The following ELANE variants were observed in gnomAD, a reference collection of about 807,000 sequenced individuals.
ELANE encodes the protein elastase, neutrophil expressed.
A neutral mutation model predicts 20.6 loss-of-function variants in ELANE; 12 were observed. The observed-to-expected ratio is 0.58, with a 90% CI of 0.37 to 0.94. The LOEUF is 0.94. Among genes scored for constraint, ELANE ranks in the 40% least tolerant of loss-of-function variants. The pLI, the probability that ELANE is intolerant of heterozygous loss-of-function variation, is 0.01. For synonymous variants in ELANE, 203 were observed against 177.4 expected (o/e 1.14, Z -1.15); for missense variants, 388 against 395.2 (o/e 0.98, Z 0.15).
At position 855,589 on chromosome 19, in the gene ELANE, C is replaced by G. The variant is rs2035664443; in HGVS notation, c.392C>G (p.Ala131Gly). ...LQLNGSATIN[A>G]NVQVAQLPAQ... ...CTCAACGGGTCGGCCACCATCAACG[C>G]CAACGTGCAGGTGGCCCAGCTGCCG... Residue 131 changes from alanine (A) to glycine (G), a missense_variant, in exon 4 of 5, where the codon GCC becomes GGC. Transcript: ENST00000263621. This position sits in a 1 kb window ranked among gnomAD's most constrained non-coding sequence, Gnocchi z 6.2. 1.9e-6 allele frequency: 3 copies of G among 1,600,370 alleles called. No individual in the cohort carries two copies. Among genetic ancestry groups the G allele is most frequent in the South Asian group, 2.2e-5 (2 of 91,088 alleles).
intron 1 of ELANE, among the ~76,000 whole-genome samples, 186 bp from the exon 2 acceptor site, chr19:852,690 C>T (rs2035612668): frequency 6.6e-6 from 1 of 151,692 alleles, no homozygotes; most frequent in Non-Finnish European, 1.5e-5. Flanking sequence ...CTCTCCGTGC[C>T]TCAGTTTCCT....
chr19:853,691 C>G (rs1293568875), intron 3 of ELANE, among the ~76,000 whole-genome samples: 1 of 148,228 alleles, frequency 6.7e-6, no homozygotes, highest in Non-Finnish European at 1.5e-5. Flanking sequence ...AACAAACTTA[C>G]TGAGAAGGGA....
chr19:854,957 G>A (rs2035654424), intron 3 of ELANE, among the ~76,000 whole-genome samples: 1 of 151,666 alleles, frequency 6.6e-6, no homozygotes, highest in Admixed American at 6.6e-5. Flanking sequence ...AGGTTCAAGC[G>A]ATTCTCCTGC....
intron 1 of ELANE, among the ~76,000 whole-genome samples, chr19:852,628 A>G (rs1326480333): frequency 6.7e-6 from 1 of 150,236 alleles, no homozygotes; most frequent in Non-Finnish European, 1.5e-5. Flanking sequence ...CTCTGGGTTC[A>G]AGTCCAGGTC....
At chr19:854,710 A>C (rs966619885) in intron 3 of ELANE, among the ~76,000 whole-genome samples, 1 of 146,078 alleles carries the variant, frequency 6.8e-6, no homozygotes, top group Admixed American at 6.9e-5. Flanking sequence ...AAAATATATA[A>C]TATTTATAAT....
rs1599294750 is a variant in ELANE at position 856,029 on chromosome 19, C to T, written c.669C>T (p.Cys223=). ...TTGCCTCCTTCGTCCGGGGAGGCTG[C>T]GCCTCAGGGCTCTACCCCGATGCCT... is the stretch of plus-strand genomic sequence containing the variant. ...HGIASFVRGG[C]ASGLYPDAFA... Residue 223 remains cysteine (C), a synonymous_variant, in exon 5 of 5, where the codon TGC becomes TGT. Coordinates refer to ENST00000263621, the MANE Select transcript of ELANE (RefSeq NM_001972.4). The T allele has an allele frequency of 4.3e-6, 7 of 1,613,434 alleles. No individual in the cohort carries two copies. The highest frequency in any genetic ancestry group is 2.2e-5 in the South Asian group (2 of 91,090).
In ELANE at chr19:852,341, C is replaced by G. The variant is rs942026381; in HGVS notation, c.13C>G (p.Arg5Gly). 1.9e-6 allele frequency: 3 copies of G among 1,610,116 alleles called. No homozygotes were observed. The African/African-American group carries it at 4.0e-5, about 21-fold the overall frequency. MTLG[R>G]RLACLFLACV... is the part of the protein sequence containing the mutation. The stretch of plus-strand genomic sequence containing the variant: ...CCCCAGCCCCACCATGACCCTCGGC[C>G]GCCGACTCGCGTGTCTTTTCCTCGC... Residue 5 changes from arginine (R) to glycine (G), a missense_variant, in exon 1 of 5, where the codon CGC becomes GGC. This residue lies in a region of ELANE where 58 missense variants were observed against 56.7 expected (regional missense o/e 1.02). Coordinates refer to ENST00000263621, the MANE Select transcript of ELANE (RefSeq NM_001972.4).
In ELANE at chr19:853,355, A is replaced by G; in HGVS notation, c.318A>G (p.Glu106=). 1.9e-6 allele frequency: 3 copies of G among 1,611,684 alleles called. No individual in the cohort carries two copies. The highest frequency in any genetic ancestry group is 2.5e-6 in the Non-Finnish European group (3 of 1,179,264). The change falls in exon 3 of 5, where the codon GAA becomes GAG. Residue 106 remains glutamate (E), a synonymous_variant. Coordinates refer to ENST00000263621, the MANE Select transcript of ELANE (RefSeq NM_001972.4). ...RQVFAVQRIF[E]NGYDPVNLLN... ...TGTTCGCCGTGCAGCGCATCTTCGAAAACGGCTACGACCCCGTAAACTTGC... is the reference window on the plus strand; with the variant it reads ...TGTTCGCCGTGCAGCGCATCTTCGAGAACGGCTACGACCCCGTAAACTTGC...
intron 3 of ELANE, 128 bp downstream of exon 3, chr19:853,531 C>T: frequency 9.0e-7 from 1 of 1,112,398 alleles, no homozygotes. Flanking sequence ...CTGGGTGGTC[C>T]CCTCTCCGCG....
At chr19:853,469 GA>G in intron 3 of ELANE, 66 bp downstream of exon 3, 3 of 1,531,772 alleles carry the variant, frequency 2.0e-6, no homozygotes, top group Non-Finnish European at 2.6e-6. Flanking sequence ...TGGAGGCTGC[GA>G]CGGAGGGGCG....
rs1263892200 is a variant in ELANE at position 853,471 on chromosome 19, C to T, written c.366+68C>T. The stretch of plus-strand genomic sequence containing the variant: ...GGCCTGGGGAGGGTGGAGGCTGCGA[C>T]GGAGGGGCGCGTCGGGGCCGCTCGT... On this transcript the variant is annotated intron_variant, in intron 3 of 4. Coordinates refer to ENST00000263621, the MANE Select transcript of ELANE (RefSeq NM_001972.4). 3.3e-6 allele frequency: 5 copies of T among 1,524,798 alleles called. No homozygotes were observed. In the East Asian group the frequency reaches 7.5e-5, roughly 23 times the overall value. The allele number at this position is 1,524,798 out of a possible 1,614,324, so 94.5% of individuals were successfully genotyped here. A position where few individuals can be genotyped will look rare whatever the true frequency, so the allele number is the denominator to read the frequency against.
Position 855,762 on chromosome 19 carries a change from C to G in ELANE, c.565C>G (p.Leu189Val), listed in dbSNP as rs200592180. 1.2e-6 allele frequency: 2 copies of G among 1,609,372 alleles called. No homozygotes were observed. The highest frequency in any genetic ancestry group is 1.7e-6 in the Non-Finnish European group (2 of 1,179,952). ...CTGCCGTCGCAGCAACGTCTGCACT[C>G]TCGTGAGGGGCCGGCAGGCCGGCGT... ...SLCRRSNVCT[L>V]VRGRQAGVCF... Residue 189 changes from leucine (L) to valine (V), a missense_variant, in exon 4 of 5, where the codon CTC becomes GTC. Transcript: ENST00000263621. This position sits in a 1 kb window ranked among gnomAD's most constrained non-coding sequence, Gnocchi z 6.2.
At position 855,546 on chromosome 19, in the gene ELANE, C is replaced by G; in HGVS notation, c.367-18C>G. 1 of 1,597,842 alleles carries G rather than the reference C, an allele frequency of 6.3e-7. No homozygotes were observed. The highest frequency in any genetic ancestry group is 8.5e-7 in the Non-Finnish European group (1 of 1,179,240). ...CTGCCCCGTGTGACGCGCTGACGAT[C>G]TGTCCCCACCGCCACAGCTCAACGG... On this transcript the variant is annotated intron_variant, in intron 3 of 4. Coordinates refer to ENST00000263621, the MANE Select transcript of ELANE (RefSeq NM_001972.4). The surrounding 1 kb of genome is among the most constrained non-coding windows in gnomAD (Gnocchi z 6.2).
In ELANE at chr19:855,948, G is replaced by GC; in HGVS notation, c.598-8dup. On this transcript the variant is annotated splice_polypyrimidine_tract_variant and intron_variant, in intron 4 of 4. Transcript: ENST00000263621. This position sits in a 1 kb window ranked among gnomAD's most constrained non-coding sequence, Gnocchi z 6.2. ...GCAGTCCAGCTTCCCCACCTTGTCT[G>GC]CCTCCACAGGGGGACTCCGGCAGCC... 6.2e-7 allele frequency: 1 copy of GC among 1,613,008 alleles called. No homozygotes were observed. Among genetic ancestry groups the GC allele is most frequent in the South Asian group, 1.1e-5 (1 of 91,090 alleles).
At chr19:852,747 G>C in intron 1 of ELANE, 129 bp from the exon 2 acceptor site, 2 of 1,317,632 alleles carry the variant, frequency 1.5e-6, no homozygotes, top group South Asian at 3.0e-5. Flanking sequence ...GTGGGTTCCC[G>C]GTGGGGGATC....
In ELANE at chr19:853,128, G is replaced by A. The variant is rs975464615; in HGVS notation, c.224+96G>A. ...CCGGGGCCGGGGCTGCTGGCGGGGG[G>A]GGGTCCGTCCAGGGCCCGCGGGGCC... On this transcript the variant is annotated intron_variant, in intron 2 of 4. Coordinates refer to ENST00000263621, the MANE Select transcript of ELANE (RefSeq NM_001972.4). 4.4e-4 allele frequency: 652 copies of A among 1,487,014 alleles called. 1 individual carries two copies. The highest frequency in any genetic ancestry group is 5.5e-4 in the Non-Finnish European group (622 of 1,120,892). The allele number at this position is 1,487,014 out of a possible 1,614,324, so 92.1% of individuals were successfully genotyped here.
In ELANE at chr19:853,258, GC is replaced by G; in HGVS notation, c.225-3del. On this transcript the variant is annotated splice_polypyrimidine_tract_variant and splice_region_variant and intron_variant, in intron 2 of 4. Transcript: ENST00000263621. ...CCTGAGCCCCGCCTCTCCCTCCCCG[GC>G]AGAAACGTCCGCGCGGTGCGGGTGG... 3 of 1,593,816 alleles carry G rather than the reference GC, an allele frequency of 1.9e-6. No individual in the cohort carries two copies. Among genetic ancestry groups the G allele is most frequent in the Non-Finnish European group, 2.6e-6 (3 of 1,171,112 alleles).
chr19:854,796 A>T (rs1295405341), intron 3 of ELANE, among the ~76,000 whole-genome samples: 1 of 146,666 alleles, frequency 6.8e-6, no homozygotes, highest in Non-Finnish European at 1.5e-5. Flanking sequence ...TTTATAAAAT[A>T]ATAAATATAA....
chr19:853,214 C>A (rs758933736), intron 2 of ELANE, 48 bp from the exon 3 acceptor site: 10 of 1,546,186 alleles, frequency 6.5e-6, no homozygotes, highest in African/African-American at 4.2e-5. Context: ...GCGGCTGAGC[C>A]CCGACCCCCG....
Sources: gnomAD v4.1 joint callset for allele counts (sites outside exome capture counted in the v4.1 genomes callset) on GRCh38, gnomAD v4.1.1 for gene constraint, gnomAD v4.1.1 regional missense constraint, Gnocchi (gnomAD v3.1) non-coding constraint, MANE v1.5 for transcripts, NCBI Gene and HGNC (gene_info 2026-07-23, HGNC 2026-07-21) for gene names.